Variants in LRP1B observed in about 807,000 individuals in gnomAD.
LRP1B encodes the protein LDL receptor related protein 1B, also known as low-density lipoprotein receptor-related protein 1B.
A neutral mutation model predicts 556.6 loss-of-function variants in LRP1B; 217 were observed. That is an observed-to-expected ratio of 0.39 (90% CI 0.35 to 0.44). The LOEUF (loss-of-function observed/expected upper bound fraction) is 0.44. LRP1B is among the 20% of genes least tolerant of loss of function. LRP1B has a pLI of 1.00. For synonymous variants in LRP1B, 2,047 were observed against 1,865.8 expected, an observed-to-expected ratio of 1.10 and a Z score of -2.50; for missense variants, 5,053 against 5,620.8, an observed-to-expected ratio of 0.90 and a Z score of 3.23.
intron 41 of LRP1B, among the ~76,000 whole-genome samples, chr2:140,623,956 G>GTATATATATATA (rs3060390): frequency 0.11 from 11,908 of 106,296 alleles, 1,386 homozygotes; most frequent in Middle Eastern, 0.16. Flanking sequence ...TTTTATTTAT[G>GTATATATATATA]TATATATATA....
At chr2:140,855,395 A>G (rs1692584342) in intron 27 of LRP1B, among the ~76,000 whole-genome samples, 1 of 148,696 alleles carries the variant, frequency 6.7e-6, no homozygotes, top group Non-Finnish European at 1.5e-5. Flanking sequence ...AGGCACGCCA[A>G]TAATCCCAGC....
At chr2:142,111,197 C>A (rs924425039) in intron 1 of LRP1B, among the ~76,000 whole-genome samples, 1 of 152,096 alleles carries the variant, frequency 6.6e-6, no homozygotes, top group Non-Finnish European at 1.5e-5. Context: ...TAGGAAGTCA[C>A]TTTGAGTTGG....
intron 2 of LRP1B, among the ~76,000 whole-genome samples, chr2:141,490,074 T>G (rs1372074301): frequency 1.3e-5 from 2 of 152,194 alleles, no homozygotes; most frequent in African/African-American, 2.4e-5. Flanking sequence ...CATCTAATTT[T>G]TAAAGCCCTG....
intron 1 of LRP1B, among the ~76,000 whole-genome samples, chr2:141,814,513 G>C (rs1431504330): frequency 1.3e-5 from 2 of 152,226 alleles, no homozygotes; most frequent in African/African-American, 4.8e-5. Flanking sequence ...ATCTAGGTGA[G>C]AGGAGATGGT....
At chr2:141,488,990 T>TG (rs1489109498) in intron 2 of LRP1B, among the ~76,000 whole-genome samples, 20 of 152,050 alleles carry the variant, frequency 1.3e-4, no homozygotes, top group African/African-American at 3.4e-4. Flanking sequence ...TTTGTTTGTT[T>TG]TTTTGAGACG....
chr2:141,922,943 T>TA (rs35456592), intron 1 of LRP1B, among the ~76,000 whole-genome samples: 56,101 of 151,338 alleles, frequency 0.37, 11,414 homozygotes, highest in Admixed American at 0.5. Context: ...CTACAAAAAA[T>TA]AAAAAATTAT....
chr2:140,350,892 C>A lies in LRP1B; in HGVS notation c.11797G>T (p.Asp3933Tyr), dbSNP rs761654571. 13 of 1,610,454 alleles carry A rather than the reference C, an allele frequency of 8.1e-6. No individual in the cohort carries two copies. In the East Asian group the frequency reaches 2.9e-4, roughly 36 times the overall value. Residue 3933 changes from aspartate to tyrosine, a missense_variant, in exon 77 of 91, where the codon GAT becomes TAT. Physicochemically the swap from Asp to Tyr is radical, Grantham distance 160. This residue lies in a region of LRP1B where 599 missense variants were observed against 648.4 expected (regional missense o/e 0.92). Transcript: ENST00000389484. ...ITGMDVYYQR[D>Y]MIIWSTQFNP... ...AACTGAGTACTCCAAATAATCATAT[C>A]TCTTTGATAATATACATCCATCCCT...
Position 141,202,712 on chromosome 2 carries a change from T to A in LRP1B, c.851-14129A>T, listed in dbSNP as rs114805053. The stretch of plus-strand genomic sequence containing the variant: ...ATGTTTGTTGGCCACACGTTACATC[T>A]TTTTTGAGAAATGTCTGTTCATGTT... On this transcript the variant is annotated intron_variant, in intron 6 of 90. Transcript: ENST00000389484. Among the ~76,000 whole-genome samples, 356 of 150,290 alleles carry A rather than the reference T, an allele frequency of 2.4e-3. 1 individual carries two copies. The highest frequency in any genetic ancestry group is 8.2e-3 in the African/African-American group (336 of 41,068).
intron 40 of LRP1B, 108 bp downstream of exon 40, chr2:140,701,613 T>C: frequency 1.9e-6 from 2 of 1,036,054 alleles, no homozygotes; most frequent in South Asian, 1.6e-5. Flanking sequence ...AGATAATGTT[T>C]TGAGGTTTTA....
At chr2:141,255,459 T>C (rs1684425496) in intron 3 of LRP1B, among the ~76,000 whole-genome samples, 1 of 152,060 alleles carries the variant, frequency 6.6e-6, no homozygotes, top group South Asian at 2.1e-4. Context: ...TAGCTGGTGC[T>C]ACAGAAATAA....
At chr2:140,614,828 A>G (rs2105234747) in intron 41 of LRP1B, among the ~76,000 whole-genome samples, 1 of 152,320 alleles carries the variant, frequency 6.6e-6, no homozygotes, top group Non-Finnish European at 1.5e-5. Context: ...AAGAGCTTAA[A>G]GCTGTACATG....
chr2:141,671,200 AT>A, intron 2 of LRP1B, among the ~76,000 whole-genome samples: 1 of 152,340 alleles, frequency 6.6e-6, no homozygotes, highest in South Asian at 2.1e-4. Context: ...AGAAGCAAAG[AT>A]TTTATTCATA....
chr2:141,984,765 A>G (rs1171772180), intron 1 of LRP1B, among the ~76,000 whole-genome samples: 1 of 152,114 alleles, frequency 6.6e-6, no homozygotes, highest in Non-Finnish European at 1.5e-5. Context: ...AATACACTTT[A>G]CCCAAGAAAT....
At chr2:141,025,330 C>T (rs1260086716) in intron 11 of LRP1B, among the ~76,000 whole-genome samples, 1 of 152,026 alleles carries the variant, frequency 6.6e-6, no homozygotes, top group Non-Finnish European at 1.5e-5. Context: ...TATGGGAATT[C>T]TGCATTGATT....
At position 141,336,563 on chromosome 2, in the gene LRP1B, T is replaced by C. The variant is rs186836014; in HGVS notation, c.344-81922A>G. Among the ~76,000 whole-genome samples, 9 of 152,362 alleles carry C rather than the reference T, an allele frequency of 5.9e-5. No individual in the cohort carries two copies. The East Asian group carries it at 1.5e-3, about 26-fold the overall frequency. On this transcript the variant is annotated intron_variant, in intron 3 of 90. Coordinates refer to ENST00000389484, the MANE Select transcript of LRP1B (RefSeq NM_018557.3). ...TTATAGTTTAATTTTTTCTCATTTT[T>C]GTTTTTTAAATTATATTGAAAGTTA...
chr2:140,366,060 A>C (rs910069408), intron 71 of LRP1B, among the ~76,000 whole-genome samples: 10 of 151,768 alleles, frequency 6.6e-5, no homozygotes, highest in Non-Finnish European at 4.4e-5. Context: ...AAGAAGTGAT[A>C]GAATCAGTTG....
chr2:140,948,067 C>T (rs1485438937), intron 20 of LRP1B, among the ~76,000 whole-genome samples: 3 of 152,094 alleles, frequency 2.0e-5, no homozygotes, highest in Admixed American at 2.0e-4. Flanking sequence ...TTTGGACACT[C>T]ATGAGGGAAA....
At chr2:141,688,428 T>C (rs1691392186) in intron 2 of LRP1B, among the ~76,000 whole-genome samples, 1 of 151,886 alleles carries the variant, frequency 6.6e-6, no homozygotes, top group Non-Finnish European at 1.5e-5. Context: ...TAATATCACA[T>C]ATTTTTAAAA....
At chr2:140,580,026 C>G (rs568316095) in intron 43 of LRP1B, among the ~76,000 whole-genome samples, 1 of 152,088 alleles carries the variant, frequency 6.6e-6, no homozygotes, top group Admixed American at 6.5e-5. Context: ...ACTAACCCAC[C>G]ACCCACTTGG....
Sources: allele counts gnomAD v4.1 joint callset (sites outside exome capture counted in the v4.1 genomes callset), GRCh38; gene constraint gnomAD v4.1.1; regional missense constraint gnomAD v4.1.1; transcripts MANE v1.5; gene names NCBI Gene and HGNC (gene_info 2026-07-23, HGNC 2026-07-21).